CCDC7: variants seen among roughly 807,000 people sequenced by gnomAD.
CCDC7 encodes coiled-coil domain-containing protein 7.
In CCDC7, 183 loss-of-function variants were observed where a neutral mutation model predicts 196.9. The observed-to-expected ratio is 0.93, with a 90% CI of 0.82 to 1.05. The LOEUF (loss-of-function observed/expected upper bound fraction) is 1.05. Ranked by LOEUF, CCDC7 falls within the 50% of genes least tolerant of loss-of-function variation. The probability of loss-of-function intolerance (pLI) is 0.00; values close to 1 mark genes in which losing one functional copy is unlikely to be tolerated. For synonymous variants in CCDC7, 525 were observed against 484.6 expected (o/e 1.08, Z -1.10); for missense variants, 1,540 against 1,482.2 (o/e 1.04, Z -0.64).
At chr10:32,747,925 C>T (rs1565379565) in intron 28 of CCDC7, among the ~76,000 whole-genome samples, 1 of 152,210 alleles carries the variant, frequency 6.6e-6, no homozygotes, top group East Asian at 1.9e-4. Flanking sequence ...ATGTTCATCA[C>T]AGCACTATTG....
chr10:32,820,781 A>T (rs931752396), intron 31 of CCDC7, among the ~76,000 whole-genome samples: 7 of 152,184 alleles, frequency 4.6e-5, no homozygotes, highest in Non-Finnish European at 1.0e-4. Context: ...AGCTGAAACT[A>T]GATAGCTTCC....
intron 28 of CCDC7, among the ~76,000 whole-genome samples, chr10:32,739,650 CTA>C (rs906228047): frequency 2.0e-5 from 3 of 149,264 alleles, no homozygotes; most frequent in Non-Finnish European, 4.4e-5. Flanking sequence ...TCTCTTCAGA[CTA>C]TGTTTTTTTT....
At chr10:32,480,121 T>A (rs1281844554) in intron 8 of CCDC7, among the ~76,000 whole-genome samples, 5 of 152,098 alleles carry the variant, frequency 3.3e-5, no homozygotes, top group Admixed American at 3.3e-4. Context: ...TTGTCAATTA[T>A]GTTTATCTTT....
At chr10:32,539,560 T>C (rs1332278074) in intron 11 of CCDC7, among the ~76,000 whole-genome samples, 1 of 152,128 alleles carries the variant, frequency 6.6e-6, no homozygotes, top group African/African-American at 2.4e-5. Flanking sequence ...GCCTTTTGCT[T>C]GCCTTGAGGT....
intron 28 of CCDC7, among the ~76,000 whole-genome samples, chr10:32,771,102 AC>A (rs2079091499): frequency 3.3e-5 from 5 of 152,140 alleles, no homozygotes. Context: ...GATGTGAGGT[AC>A]TGTTTTCTTC....
chr10:32,592,092 G>A (rs1436009101), intron 18 of CCDC7, among the ~76,000 whole-genome samples: 1 of 151,788 alleles, frequency 6.6e-6, no homozygotes, highest in Non-Finnish European at 1.5e-5. Context: ...TTGGTAGGTT[G>A]GTGTTTCTAT....
intron 31 of CCDC7, among the ~76,000 whole-genome samples, chr10:32,821,925 C>T (rs895532391): frequency 2.6e-5 from 4 of 151,464 alleles, no homozygotes; most frequent in Admixed American, 6.6e-5. Context: ...CAAACCTGCA[C>T]GTTGTGCACA....
chr10:32,647,013 T>C (rs549052487), intron 20 of CCDC7, among the ~76,000 whole-genome samples: 1 of 152,340 alleles, frequency 6.6e-6, no homozygotes, highest in Admixed American at 6.5e-5. Flanking sequence ...TTCCATGTCT[T>C]GCTATTGTGA....
chr10:32,881,652 T>C (rs1489606138), downstream of CCDC7, among the ~76,000 whole-genome samples: 1 of 152,062 alleles, frequency 6.6e-6, no homozygotes, highest in Non-Finnish European at 1.5e-5. Flanking sequence ...TTTATCACCT[T>C]CCTAGCCAGC....
intron 9 of CCDC7, among the ~76,000 whole-genome samples, chr10:32,502,902 TTC>T (rs2044297914): frequency 6.6e-6 from 1 of 152,212 alleles, no homozygotes; most frequent in African/African-American, 2.4e-5. Context: ...AGTATTTTAT[TTC>T]TTTTTATGCT....
chr10:32,721,227 C>T (rs2082371698), intron 25 of CCDC7, among the ~76,000 whole-genome samples: 1 of 152,148 alleles, frequency 6.6e-6, no homozygotes, highest in South Asian at 2.1e-4. Flanking sequence ...GTCATAGACT[C>T]AGTATCCACC....
intron 21 of CCDC7, among the ~76,000 whole-genome samples, chr10:32,671,054 ACT>A (rs1213116107): frequency 6.6e-6 from 1 of 152,128 alleles, no homozygotes; most frequent in Non-Finnish European, 1.5e-5. Context: ...GTTACAGTAA[ACT>A]CAGGTTAATT....
chr10:32,861,345 G>A (rs1328006165), intron 41 of CCDC7, among the ~76,000 whole-genome samples: 1 of 152,060 alleles, frequency 6.6e-6, no homozygotes, highest in Non-Finnish European at 1.5e-5. Flanking sequence ...TTAATAAATG[G>A]TGTTGGGAAA....
At chr10:32,748,311 A>G (rs2075134560) in intron 28 of CCDC7, among the ~76,000 whole-genome samples, 1 of 152,140 alleles carries the variant, frequency 6.6e-6, no homozygotes, top group Admixed American at 6.5e-5. Context: ...CTCCCATGAC[A>G]CACAATTTAC....
chr10:32,846,456 C>T lies in CCDC7; in HGVS notation c.3685C>T (p.Gln1229Ter), dbSNP rs139631138. ...AATCAGTGCACAATTAAAGAGTCAC[C>T]AGGGTAAGAAAAATAATTTTTGAGT... Residue 1229 changes from glutamine (Q) to a stop codon, truncating the protein, a stop_gained, in exon 37 of 42, where the codon CAG (glutamine) becomes TAG (stop). Coordinates refer to ENST00000639629, the Ensembl canonical transcript of CCDC7. LOFTEE classifies it high-confidence loss of function. 1 of 1,577,072 alleles carries T rather than the reference C, an allele frequency of 6.3e-7. No homozygotes were observed.
chr10:32,783,134 C>T (rs1008457599), intron 29 of CCDC7, among the ~76,000 whole-genome samples: 5 of 152,044 alleles, frequency 3.3e-5, no homozygotes, highest in African/African-American at 4.8e-5. Flanking sequence ...TCCCAAAGCA[C>T]AGACAACAAA....
At chr10:32,557,528 A>T (rs2054566982) in intron 13 of CCDC7, among the ~76,000 whole-genome samples, 2 of 151,986 alleles carry the variant, frequency 1.3e-5, no homozygotes, top group South Asian at 4.2e-4. Flanking sequence ...TCTGTTAGTT[A>T]AAAAAAATCT....
chr10:32,746,489 C>G (rs888602832), intron 28 of CCDC7, among the ~76,000 whole-genome samples: 2 of 152,200 alleles, frequency 1.3e-5, no homozygotes, highest in African/African-American at 4.8e-5. Flanking sequence ...GCCCATCCCT[C>G]AAGGCTTGCC....
At chr10:32,600,150 A>C (rs2060840539) in intron 18 of CCDC7, among the ~76,000 whole-genome samples, 1 of 151,118 alleles carries the variant, frequency 6.6e-6, no homozygotes, top group African/African-American at 2.4e-5. Flanking sequence ...GATTCTGTAC[A>C]ATAGGCAGTA....
Sources: gnomAD v4.1 joint callset for allele counts (sites outside exome capture counted in the v4.1 genomes callset) on GRCh38, gnomAD v4.1.1 for gene constraint, MANE v1.5 for transcripts, NCBI Gene and HGNC (gene_info 2026-07-23, HGNC 2026-07-21) for gene names.